The following DDX10 variants were observed in gnomAD, a reference collection of about 807,000 sequenced individuals.
DDX10 encodes the protein DEAD-box helicase 10.
A neutral mutation model predicts 104.3 loss-of-function variants in DDX10; 74 were observed. The observed-to-expected ratio is 0.71, with a 90% CI of 0.59 to 0.86. The LOEUF (loss-of-function observed/expected upper bound fraction) is 0.86, where lower values mean the gene tolerates loss of function less well. Among genes scored for constraint, DDX10 ranks in the 40% least tolerant of loss-of-function variants. The pLI is 0.00. For synonymous variants in DDX10, 351 were observed against 353.4 expected, an observed-to-expected ratio of 0.99 and a Z score of 0.08; for missense variants, 952 against 1,040.0, an observed-to-expected ratio of 0.92 and a Z score of 1.16.
At chr11:108,895,180 C>T (rs75764393) in intron 16 of DDX10, among the ~76,000 whole-genome samples, 3,808 of 152,038 alleles carry the variant, frequency 0.025, 146 homozygotes, top group African/African-American at 0.085. Context: ...AAATTAACTC[C>T]GTTTTAAAAG....
At chr11:108,666,920 C>T (rs892232710) in intron 1 of DDX10, among the ~76,000 whole-genome samples, 1 of 152,196 alleles carries the variant, frequency 6.6e-6, no homozygotes, top group African/African-American at 2.4e-5. Flanking sequence ...CCTAGCTCCA[C>T]CATCTCAGCA....
chr11:108,833,935 C>T (rs1862510809), intron 13 of DDX10, among the ~76,000 whole-genome samples: 1 of 152,058 alleles, frequency 6.6e-6, no homozygotes, highest in Non-Finnish European at 1.5e-5. Flanking sequence ...CTACAGTTAA[C>T]CTTTTACTGT....
chr11:108,838,509 G>A lies in DDX10; in HGVS notation c.2029G>A (p.Val677Ile), dbSNP rs1862591981. 1 of 1,612,546 alleles carries A rather than the reference G, an allele frequency of 6.2e-7. No individual in the cohort carries two copies. Among genetic ancestry groups the A allele is most frequent in the Non-Finnish European group, 8.5e-7 (1 of 1,179,280 alleles). ...GACCAAAGTTGCAGAAGCAAAAAAA[G>A]TAATGAAGAGAAATTTTAAAGTGAA... ...KMTKVAEAKK[V>I]MKRNFKVNKK... Residue 677 changes from valine (V) to isoleucine (I), a missense_variant, in exon 14 of 18, where the codon GTA becomes ATA. This residue lies in a region of DDX10 where 533 missense variants were observed against 534.1 expected (regional missense o/e 1.00). Transcript: ENST00000322536.
intron 17 of DDX10, among the ~76,000 whole-genome samples, chr11:108,930,639 C>T (rs532939007): frequency 3.3e-5 from 5 of 152,324 alleles, no homozygotes; most frequent in African/African-American, 1.2e-4. Flanking sequence ...CTTTTTGCTC[C>T]ACAGCCCCAC....
chr11:108,817,475 ATT>A (rs968721603), intron 13 of DDX10, among the ~76,000 whole-genome samples: 19 of 151,710 alleles, frequency 1.3e-4, no homozygotes, highest in African/African-American at 4.6e-4. Context: ...GGCCTTTCCT[ATT>A]TTTCTAAAAT....
At chr11:108,667,436 G>A (rs56031943) in intron 1 of DDX10, among the ~76,000 whole-genome samples, 15,363 of 152,182 alleles carry the variant, frequency 0.1, 1,109 homozygotes, top group South Asian at 0.21. Context: ...CAAATACAGC[G>A]TGTCAACATG....
intron 13 of DDX10, among the ~76,000 whole-genome samples, chr11:108,792,800 T>C (rs542724273): frequency 6.6e-6 from 1 of 152,328 alleles, no homozygotes; most frequent in African/African-American, 2.4e-5. Flanking sequence ...CTAGAATTCT[T>C]GGGGAATTAC....
At chr11:108,811,844 G>C (rs1346457154) in intron 13 of DDX10, among the ~76,000 whole-genome samples, 1 of 143,078 alleles carries the variant, frequency 7.0e-6, no homozygotes, top group Non-Finnish European at 1.5e-5. Context: ...ATAGATCAAA[G>C]GACAATTATA....
intron 17 of DDX10, among the ~76,000 whole-genome samples, chr11:108,928,246 TCGCTA>T (rs1863932901): frequency 6.6e-6 from 1 of 152,228 alleles, no homozygotes; most frequent in African/African-American, 2.4e-5. Context: ...CTAGGAGTTC[TCGCTA>T]CATGGAATAA....
chr11:108,749,241 A>G (rs1461995270), intron 13 of DDX10, among the ~76,000 whole-genome samples: 2 of 152,132 alleles, frequency 1.3e-5, no homozygotes, highest in African/African-American at 4.8e-5. Context: ...TTTGAAGGCT[A>G]GAGTGGTGAT....
At chr11:108,915,295 AGTATTT>A (rs1863732565) in intron 16 of DDX10, among the ~76,000 whole-genome samples, 1 of 152,196 alleles carries the variant, frequency 6.6e-6, no homozygotes, top group African/African-American at 2.4e-5. Flanking sequence ...AACAACTGAA[AGTATTT>A]GTTGCTGATG....
chr11:108,837,248 A>G (rs1182684972), intron 13 of DDX10, among the ~76,000 whole-genome samples: 10 of 152,250 alleles, frequency 6.6e-5, no homozygotes, highest in Non-Finnish European at 1.3e-4. Context: ...CATATAGCTT[A>G]TTAGTGATAG....
chr11:108,693,604 G>A lies in DDX10; in HGVS notation c.1223+4G>A. On this transcript the variant is annotated splice_donor_region_variant and intron_variant, in intron 9 of 17. Transcript: ENST00000322536. ...ACAGAGCAGGTAGAACTGCCAGGTA[G>A]GTGTACTGACTAATTTCTTTTCTTT... 1 of 1,605,026 alleles carries A rather than the reference G, an allele frequency of 6.2e-7. No individual in the cohort carries two copies. Among genetic ancestry groups the A allele is most frequent in the Non-Finnish European group, 8.5e-7 (1 of 1,171,808 alleles).
intron 13 of DDX10, among the ~76,000 whole-genome samples, chr11:108,791,159 A>T (rs1196721523): frequency 6.6e-6 from 1 of 152,214 alleles, no homozygotes; most frequent in Non-Finnish European, 1.5e-5. Context: ...ACATCTTGGC[A>T]TGCTCATTTC....
intron 16 of DDX10, among the ~76,000 whole-genome samples, chr11:108,914,946 C>G (rs4754361): frequency 6.7e-6 from 1 of 150,166 alleles, no homozygotes; most frequent in African/African-American, 2.5e-5. Flanking sequence ...AAAGGAACAG[C>G]AAACCTGAAC....
intron 17 of DDX10, among the ~76,000 whole-genome samples, chr11:108,934,112 G>A (rs1864007845): frequency 6.6e-6 from 1 of 152,194 alleles, no homozygotes; most frequent in African/African-American, 2.4e-5. Flanking sequence ...CTCAGATGAG[G>A]GTGGGTCAGG....
chr11:108,755,370 A>G (rs2094343293), intron 13 of DDX10, among the ~76,000 whole-genome samples: 1 of 152,032 alleles, frequency 6.6e-6, no homozygotes, highest in Non-Finnish European at 1.5e-5. Flanking sequence ...AACTTTTAAA[A>G]TATCTTTTTG....
intron 16 of DDX10, among the ~76,000 whole-genome samples, 166 bp downstream of exon 16, chr11:108,852,375 T>C (rs2553755): frequency 0.15 from 23,020 of 152,246 alleles, 2,130 homozygotes; most frequent in East Asian, 0.27. Context: ...ATATTCCAAT[T>C]GGATTCAAGC....
chr11:108,824,507 G>A (rs926455468), intron 13 of DDX10, among the ~76,000 whole-genome samples: 5 of 151,762 alleles, frequency 3.3e-5, no homozygotes, highest in African/African-American at 1.2e-4. Context: ...CTGAGTTCTA[G>A]AAGAATTCCA....
Sources: allele counts gnomAD v4.1 joint callset (sites outside exome capture counted in the v4.1 genomes callset), GRCh38; gene constraint gnomAD v4.1.1; regional missense constraint gnomAD v4.1.1; transcripts MANE v1.5; gene names NCBI Gene and HGNC (gene_info 2026-07-23, HGNC 2026-07-21).